Variants in MAML2 observed in about 807,000 individuals in gnomAD.
MAML2 encodes mastermind-like protein 2.
A neutral mutation model predicts 96.1 loss-of-function variants in MAML2; 22 were observed. The observed-to-expected ratio is 0.23, with a 90% CI of 0.16 to 0.33. The LOEUF (loss-of-function observed/expected upper bound fraction) is 0.33, where lower values mean the gene tolerates loss of function less well. Among genes scored for constraint, MAML2 ranks in the 10% least tolerant of loss-of-function variants. MAML2 has a pLI of 1.00. For missense variants in MAML2, 1,367 were observed against 1,392.4 expected, an observed-to-expected ratio of 0.98 and a Z score of 0.29; for synonymous variants, 561 against 521.3, an observed-to-expected ratio of 1.08 and a Z score of -1.04.
chr11:95,981,368 C>A (rs529327102), intron 4 of MAML2, among the ~76,000 whole-genome samples: 1 of 152,048 alleles, frequency 6.6e-6, no homozygotes, highest in Non-Finnish European at 1.5e-5. Flanking sequence ...AAAGTCATCA[C>A]GAGGAAATAT....
intron 1 of MAML2, among the ~76,000 whole-genome samples, chr11:96,321,310 AT>A (rs1469191454): frequency 6.6e-6 from 1 of 152,242 alleles, no homozygotes; most frequent in Non-Finnish European, 1.5e-5. Context: ...AGAATCTTAA[AT>A]CACGAGAGAA....
chr11:96,092,775 C>G lies in MAML2; in HGVS notation c.1256G>C (p.Gly419Ala). The change falls in exon 2 of 5, where the codon GGA becomes GCA. Residue 419 changes from glycine (G) to alanine (A), a missense_variant. Gly to Ala is a moderately conservative substitution (Grantham distance 60). Coordinates refer to ENST00000524717, the MANE Select transcript of MAML2 (RefSeq NM_032427.4). This position sits in a 1 kb window ranked among gnomAD's most constrained non-coding sequence, Gnocchi z 4.1. ...CCAGCTTGGCAAGGCCCGGCTTGCT[C>G]CGGAGCCTGTCTGAGGCTGAGCCTG... ...QSQAQPQTGSGASRALPSWQE... is the reference protein window; with the variant it reads ...QSQAQPQTGSAASRALPSWQE... The G allele has an allele frequency of 6.2e-7, 1 of 1,613,104 alleles. No homozygotes were observed. Among genetic ancestry groups the G allele is most frequent in the Non-Finnish European group, 8.5e-7 (1 of 1,179,358 alleles).
intron 1 of MAML2, among the ~76,000 whole-genome samples, chr11:96,110,029 T>C (rs1295290111): frequency 6.6e-6 from 1 of 151,974 alleles, no homozygotes; most frequent in Admixed American, 6.6e-5. Flanking sequence ...TGAACGATTA[T>C]GAAAAAAAGA....
At chr11:96,083,062 T>C (rs975844124) in intron 2 of MAML2, among the ~76,000 whole-genome samples, 1 of 152,214 alleles carries the variant, frequency 6.6e-6, no homozygotes, top group African/African-American at 2.4e-5. Flanking sequence ...TGAAGTTCAA[T>C]GTTGGCCTCT....
At position 96,207,202 on chromosome 11, in the gene MAML2, T is replaced by C. The variant is rs142813827; in HGVS notation, c.514-113685A>G. On this transcript the variant is annotated intron_variant, in intron 1 of 4. Coordinates refer to ENST00000524717, the MANE Select transcript of MAML2 (RefSeq NM_032427.4). ...TTTGGGGTCCTCCAAGCATAGCTTTTTGTTGTGTGCTCTTTCTGCTGGGCA... is the reference window on the plus strand; with the variant it reads ...TTTGGGGTCCTCCAAGCATAGCTTTCTGTTGTGTGCTCTTTCTGCTGGGCA... Among the ~76,000 whole-genome samples, 11 of 152,312 alleles carry C rather than the reference T, an allele frequency of 7.2e-5. No homozygotes were observed. In the East Asian group the frequency reaches 1.7e-3, roughly 24 times the overall value.
At chr11:96,166,129 T>TC (rs1491278038) in intron 1 of MAML2, among the ~76,000 whole-genome samples, 10 of 149,488 alleles carry the variant, frequency 6.7e-5, no homozygotes, top group African/African-American at 1.7e-4. Flanking sequence ...TCTGTCTCTC[T>TC]TTCTCTGTCT....
chr11:96,038,069 AG>A (rs571895634), intron 2 of MAML2, among the ~76,000 whole-genome samples: 21 of 152,306 alleles, frequency 1.4e-4, no homozygotes, highest in Middle Eastern at 6.8e-3. Flanking sequence ...ATATGAAAGC[AG>A]GTAAATATTA....
rs191391876 is a variant in MAML2 at position 96,093,411 on chromosome 11, C to T, written c.620G>A (p.Arg207His). ...TCCTGCAGAGAGATTCTCCCCAACA[C>T]GAATTCTTTTGATATCAAGAAATGA... ...DNSFLDIKRI[R>H]VGENLSAGQG... The change falls in exon 2 of 5, where the codon CGT becomes CAT. Residue 207 changes from arginine (R) to histidine (H), a missense_variant. Physicochemically the swap from Arg to His is conservative, Grantham distance 29. Transcript: ENST00000524717. The T allele has an allele frequency of 6.1e-5, 98 of 1,613,980 alleles. No individual in the cohort carries two copies. In the East Asian group the frequency reaches 8.7e-4, roughly 14 times the overall value.
At chr11:96,208,481 A>G (rs933961091) in intron 1 of MAML2, among the ~76,000 whole-genome samples, 9 of 152,268 alleles carry the variant, frequency 5.9e-5, no homozygotes, top group African/African-American at 1.9e-4. Context: ...TTTAGTTGTT[A>G]CAGTCACTTG....
chr11:96,036,250 G>A (rs550045765), intron 2 of MAML2, among the ~76,000 whole-genome samples: 23 of 152,210 alleles, frequency 1.5e-4, no homozygotes, highest in Admixed American at 1.2e-3. Flanking sequence ...TCAAAAAGCC[G>A]GGGGTAAGAT....
intron 1 of MAML2, among the ~76,000 whole-genome samples, chr11:96,143,264 G>T (rs1381006815): frequency 1.3e-5 from 2 of 152,206 alleles, no homozygotes; most frequent in Non-Finnish European, 2.9e-5. Context: ...TCCTGTAGCA[G>T]TATAACATGG....
intron 2 of MAML2, among the ~76,000 whole-genome samples, chr11:96,034,552 A>C (rs1008335762): frequency 6.6e-6 from 1 of 152,084 alleles, no homozygotes; most frequent in African/African-American, 2.4e-5. Flanking sequence ...CCATCAACTT[A>C]CTATAAAGCT....
rs138693519 is a variant in MAML2 at position 96,148,976 on chromosome 11, T to C, written c.514-55459A>G. Among the ~76,000 whole-genome samples, 15 of 152,314 alleles carry C rather than the reference T, an allele frequency of 9.8e-5. No homozygotes were observed. In the East Asian group the frequency reaches 2.7e-3, roughly 27 times the overall value. ...AATCCTGACCTCACATATAGCCCTA[T>C]TGCTTAAGGCGGCATCTTAAACCTC... On this transcript the variant is annotated intron_variant, in intron 1 of 4. Transcript: ENST00000524717.
At chr11:96,055,675 G>A (rs1199100874) in intron 2 of MAML2, among the ~76,000 whole-genome samples, 2 of 152,138 alleles carry the variant, frequency 1.3e-5, no homozygotes, top group Non-Finnish European at 1.5e-5. Context: ...AAAGAAAAAG[G>A]AGAGAGAGGG....
chr11:96,202,338 A>ATCCTGGG (rs1260263526), intron 1 of MAML2, among the ~76,000 whole-genome samples: 2 of 143,198 alleles, frequency 1.4e-5, no homozygotes, highest in East Asian at 4.0e-4. Context: ...GTGACAGAGC[A>ATCCTGGG]AGACTCCATC....
intron 1 of MAML2, among the ~76,000 whole-genome samples, chr11:96,208,430 A>G (rs1224607552): frequency 6.6e-6 from 1 of 152,236 alleles, no homozygotes; most frequent in African/African-American, 2.4e-5. Flanking sequence ...TTCTGGGACT[A>G]TTAAAAAAGA....
At chr11:96,130,464 A>C (rs1860527659) in intron 1 of MAML2, among the ~76,000 whole-genome samples, 1 of 152,162 alleles carries the variant, frequency 6.6e-6, no homozygotes, top group Admixed American at 6.5e-5. Flanking sequence ...AAAATGCTCT[A>C]AGCTTGCCAA....
intron 4 of MAML2, among the ~76,000 whole-genome samples, chr11:95,981,471 G>A (rs779097395): frequency 9.9e-5 from 15 of 152,218 alleles, no homozygotes; most frequent in Non-Finnish European, 1.9e-4. Flanking sequence ...CAATGTCAGT[G>A]GATGGGGAGA....
intron 1 of MAML2, among the ~76,000 whole-genome samples, chr11:96,270,517 G>A (rs1399692281): frequency 6.6e-6 from 1 of 152,062 alleles, no homozygotes; most frequent in Non-Finnish European, 1.5e-5. Flanking sequence ...CACCATGTTG[G>A]TCAGGCTGGT....
Sources: gnomAD v4.1 joint callset for allele counts (sites outside exome capture counted in the v4.1 genomes callset) on GRCh38, gnomAD v4.1.1 for gene constraint, Gnocchi (gnomAD v3.1) non-coding constraint, MANE v1.5 for transcripts, NCBI Gene and HGNC (gene_info 2026-07-23, HGNC 2026-07-21) for gene names.